SLC1A1: variants seen among roughly 807,000 people sequenced by gnomAD.
SLC1A1 encodes solute carrier family 1 member 1, also known as excitatory amino acid transporter 3.
Under a neutral mutation model 53.3 loss-of-function variants are expected in SLC1A1, and 43 were observed. That is an observed-to-expected ratio of 0.81 (90% CI 0.63 to 1.04). The LOEUF (loss-of-function observed/expected upper bound fraction) is 1.04, where lower values mean the gene tolerates loss of function less well. Ranked by LOEUF, SLC1A1 falls within the 50% of genes least tolerant of loss-of-function variation. SLC1A1 has a pLI of 0.00. For synonymous variants in SLC1A1, 307 were observed against 243.2 expected (o/e 1.26, Z -2.44); for missense variants, 748 against 664.9 (o/e 1.12, Z -1.37).
intron 2 of SLC1A1, among the ~76,000 whole-genome samples, chr9:4,552,711 G>C (rs143213587): frequency 1.1e-3 from 162 of 151,992 alleles, no homozygotes; most frequent in African/African-American, 3.8e-3. Flanking sequence ...TTGAATCCTG[G>C]TTCTGCCATG....
At position 4,528,835 on chromosome 9, in the gene SLC1A1, C is replaced by T. The variant is rs574957520; in HGVS notation, c.92-15732C>T. Among the ~76,000 whole-genome samples the T allele has an allele frequency of 7.2e-5, 11 of 152,212 alleles. No individual in the cohort carries two copies. The South Asian group carries it at 1.7e-3, about 23-fold the overall frequency. On this transcript the variant is annotated intron_variant, in intron 1 of 11. Coordinates refer to ENST00000262352, the MANE Select transcript of SLC1A1 (RefSeq NM_004170.6). ...TACCCTTATCAACACACTTCATCCA[C>T]GTCTCTTTCTTGTGCTCTATACACA...
chr9:4,528,128 G>A (rs909411126), intron 1 of SLC1A1, among the ~76,000 whole-genome samples: 7 of 152,232 alleles, frequency 4.6e-5, no homozygotes, highest in East Asian at 1.9e-4. Flanking sequence ...ACCACGATGC[G>A]GTGATGACAG....
chr9:4,545,436 C>G (rs1042330857), intron 2 of SLC1A1, among the ~76,000 whole-genome samples: 7 of 152,180 alleles, frequency 4.6e-5, no homozygotes, highest in Non-Finnish European at 7.3e-5. Context: ...CATATTTGGT[C>G]ACTGAAATGT....
At chr9:4,519,562 G>C (rs1257585505) in intron 1 of SLC1A1, among the ~76,000 whole-genome samples, 2 of 152,172 alleles carry the variant, frequency 1.3e-5, no homozygotes, top group African/African-American at 4.8e-5. Context: ...ATTATCTGTT[G>C]TTATTATTCA....
chr9:4,506,954 G>A (rs1489655916), intron 1 of SLC1A1, among the ~76,000 whole-genome samples: 1 of 152,222 alleles, frequency 6.6e-6, no homozygotes, highest in Non-Finnish European at 1.5e-5. Context: ...AGAGTAGGCT[G>A]GCGGCAGTGG....
At chr9:4,540,802 C>T (rs534658917) in intron 1 of SLC1A1, among the ~76,000 whole-genome samples, 2 of 152,322 alleles carry the variant, frequency 1.3e-5, no homozygotes, top group South Asian at 4.1e-4. Flanking sequence ...AGGCAGCTTT[C>T]TTGGAAATGA....
chr9:4,501,277 G>C (rs1820622091), intron 1 of SLC1A1, among the ~76,000 whole-genome samples: 1 of 150,366 alleles, frequency 6.7e-6, no homozygotes, highest in South Asian at 2.1e-4. Context: ...CCACCTCCCA[G>C]GTTCAAACAA....
Position 4,586,669 on chromosome 9 carries a change from C to A in SLC1A1, c.*1111C>A, listed in dbSNP as rs1457798669. The A allele has an allele frequency of 6.6e-6, 1 of 152,148 alleles. No individual in the cohort carries two copies. The highest frequency in any genetic ancestry group is 1.5e-5 in the Non-Finnish European group (1 of 68,024). The allele number at this position is 152,148 out of a possible 1,614,324, so 9.4% of individuals were successfully genotyped here. A position where few individuals can be genotyped will look rare whatever the true frequency, so the allele number is the denominator to read the frequency against. ...CATCCTTGCACTTCTGTTATCAGGG[C>A]CCAAATAACAGTGGCAAGCTACCAA... is the stretch of plus-strand genomic sequence containing the variant. On this transcript the variant is annotated 3_prime_UTR_variant, in exon 12 of 12. Transcript: ENST00000262352.
chr9:4,570,347 G>T (rs935797894), intron 6 of SLC1A1, among the ~76,000 whole-genome samples: 1 of 152,046 alleles, frequency 6.6e-6, no homozygotes, highest in Non-Finnish European at 1.5e-5. Context: ...AGTAAGAAAT[G>T]ACTGGTAGCC....
chr9:4,549,691 G>C lies in SLC1A1; in HGVS notation c.232+4984G>C, dbSNP rs1424807601. On this transcript the variant is annotated intron_variant, in intron 2 of 11. Coordinates refer to ENST00000262352, the MANE Select transcript of SLC1A1 (RefSeq NM_004170.6). The surrounding 1 kb of genome is among the most constrained non-coding windows in gnomAD (Gnocchi z 4.1). ...TCTTCCTGGGATGCTTGCCATTGTG[G>C]AATATCCACTTCAGAGAAAACCCCC... Among the ~76,000 whole-genome samples, 3 of 152,120 alleles carry C rather than the reference G, an allele frequency of 2.0e-5. No individual in the cohort carries two copies. The highest frequency in any genetic ancestry group is 7.2e-5 in the African/African-American group (3 of 41,432).
chr9:4,497,113 C>T (rs562578366), intron 1 of SLC1A1, among the ~76,000 whole-genome samples: 13 of 151,784 alleles, frequency 8.6e-5, no homozygotes, highest in Non-Finnish European at 1.6e-4. Flanking sequence ...TACCACAAAC[C>T]GGGTGGTTTT....
chr9:4,564,963 AG>A (rs1819338625), intron 4 of SLC1A1, among the ~76,000 whole-genome samples: 1 of 152,224 alleles, frequency 6.6e-6, no homozygotes, highest in African/African-American at 2.4e-5. Context: ...CTTTTCTTCA[AG>A]TTTGTTAGCT....
chr9:4,541,161 C>T (rs978234178), intron 1 of SLC1A1, among the ~76,000 whole-genome samples: 3 of 152,186 alleles, frequency 2.0e-5, no homozygotes, highest in Non-Finnish European at 4.4e-5. Context: ...TCCTGCTACA[C>T]CGTTCAGGGA....
intron 1 of SLC1A1, among the ~76,000 whole-genome samples, chr9:4,544,086 G>A (rs1447223174): frequency 6.6e-6 from 1 of 152,120 alleles, no homozygotes; most frequent in Non-Finnish European, 1.5e-5. Flanking sequence ...TGAGGTGGGA[G>A]GATCGACTGA....
At chr9:4,499,135 C>G (rs1820550153) in intron 1 of SLC1A1, among the ~76,000 whole-genome samples, 1 of 150,400 alleles carries the variant, frequency 6.6e-6, no homozygotes, top group Admixed American at 6.7e-5. Flanking sequence ...ACCCCTGCCT[C>G]CCAGGTTCAA....
intron 5 of SLC1A1, among the ~76,000 whole-genome samples, chr9:4,567,277 G>T (rs1819577997): frequency 6.6e-6 from 1 of 152,150 alleles, no homozygotes; most frequent in South Asian, 2.1e-4. Context: ...AAGTGTGTTT[G>T]CTCAGATTAA....
At chr9:4,502,088 G>T (rs758173989) in intron 1 of SLC1A1, among the ~76,000 whole-genome samples, 1 of 151,422 alleles carries the variant, frequency 6.6e-6, no homozygotes, top group Admixed American at 6.6e-5. Flanking sequence ...TTTCATTTAA[G>T]ATTTCCCCAA....
At chr9:4,503,864 G>A (rs1778286750) in intron 1 of SLC1A1, among the ~76,000 whole-genome samples, 1 of 151,916 alleles carries the variant, frequency 6.6e-6, no homozygotes, top group African/African-American at 2.4e-5. Context: ...ATTAAAACAG[G>A]TAAATCTTTG....
intron 5 of SLC1A1, 98 bp from the exon 6 acceptor site, chr9:4,567,571 C>G (rs1819606601): frequency 1.3e-6 from 1 of 761,258 alleles, no homozygotes; most frequent in Non-Finnish European, 2.3e-6. Flanking sequence ...TTCAGTGGCA[C>G]TGTTTGGCCA....
Sources: gnomAD v4.1 joint callset for allele counts (sites outside exome capture counted in the v4.1 genomes callset) on GRCh38, gnomAD v4.1.1 for gene constraint, Gnocchi (gnomAD v3.1) non-coding constraint, MANE v1.5 for transcripts, NCBI Gene and HGNC (gene_info 2026-07-23, HGNC 2026-07-21) for gene names.